BCAP29: variants seen among roughly 807,000 people sequenced by gnomAD.
The protein encoded by BCAP29 is B-cell receptor-associated protein 29.
BCAP29 carries 34 observed loss-of-function variants against 31.8 expected under a neutral mutation model. The ratio of observed to expected loss-of-function variants is 1.07; its 90% CI spans 0.81 to 1.42. The LOEUF is 1.42. BCAP29 is among the 40% of genes most tolerant of loss of function. The pLI is 0.00. For missense variants in BCAP29, 314 were observed against 269.2 expected, an observed-to-expected ratio of 1.17 and a Z score of -1.16; for synonymous variants, 104 against 91.3, an observed-to-expected ratio of 1.14 and a Z score of -0.79.
rs1811747241 is a variant in BCAP29, at chr7:107,604,647, T to C, written c.589+4142T>C. Among the ~76,000 whole-genome samples the C allele has an allele frequency of 2.6e-5, 4 of 151,738 alleles. No homozygotes were observed. The South Asian group carries it at 8.3e-4, about 31-fold the overall frequency. On this transcript the variant is annotated intron_variant, in intron 6 of 7. Coordinates refer to ENST00000005259, the MANE Select transcript of BCAP29 (RefSeq NM_018844.4). Reference sequence around the variant, plus strand: ...AAAATTATTAATGCTTAAAAACAGTTTGCTGTTTTTAGTCATTTTGTTGTT... The same window carrying C: ...AAAATTATTAATGCTTAAAAACAGTCTGCTGTTTTTAGTCATTTTGTTGTT...
chr7:107,599,721 C>T (rs1376174455), intron 5 of BCAP29, among the ~76,000 whole-genome samples: 1 of 151,920 alleles, frequency 6.6e-6, no homozygotes, highest in Non-Finnish European at 1.5e-5. Flanking sequence ...TAAATTTTTA[C>T]TCCATGATAA....
At chr7:107,610,612 T>C (rs1812945291) in intron 6 of BCAP29, among the ~76,000 whole-genome samples, 1 of 152,220 alleles carries the variant, frequency 6.6e-6, no homozygotes, top group Admixed American at 6.5e-5. Flanking sequence ...ATTAGATTTA[T>C]TAATATCCAC....
In BCAP29 at chr7:107,585,053, T is replaced by C. The variant is rs2129212978; in HGVS notation, c.193+1071T>C. Among the ~76,000 whole-genome samples, 2 of 152,352 alleles carry C rather than the reference T, an allele frequency of 1.3e-5. 1 individual carries two copies. Among genetic ancestry groups the C allele is most frequent in the South Asian group, 4.1e-4 (2 of 4,832 alleles). On this transcript the variant is annotated intron_variant, in intron 3 of 7. Transcript: ENST00000005259. ...TTAGTAATCACCATGTTTTTCCAGT[T>C]GTTACTGAGCTCAGAGAAATTGAGT...
At chr7:107,606,279 A>G (rs1812069581) in intron 6 of BCAP29, among the ~76,000 whole-genome samples, 1 of 152,238 alleles carries the variant, frequency 6.6e-6, no homozygotes, top group Admixed American at 6.5e-5. Flanking sequence ...GTAAAATGAG[A>G]GACTGAACTA....
At chr7:107,591,379 G>A (rs1331228046) in intron 3 of BCAP29, among the ~76,000 whole-genome samples, 2 of 152,174 alleles carry the variant, frequency 1.3e-5, no homozygotes, top group Non-Finnish European at 2.9e-5. Context: ...AAACAGGTTA[G>A]TGGGCTTTAT....
At chr7:107,583,726 G>C (rs1807121196) in intron 2 of BCAP29, among the ~76,000 whole-genome samples, 156 bp from the exon 3 acceptor site, 1 of 152,018 alleles carries the variant, frequency 6.6e-6, no homozygotes, top group African/African-American at 2.4e-5. Context: ...TAATTCATGA[G>C]ATATTCTGTC....
chr7:107,607,677 T>G (rs527868585), intron 6 of BCAP29, among the ~76,000 whole-genome samples: 1 of 149,534 alleles, frequency 6.7e-6, no homozygotes, highest in South Asian at 2.2e-4. Flanking sequence ...CCCTTTGTAG[T>G]GCAGGCTGGA....
At chr7:107,589,715 C>G (rs1463426137) in intron 3 of BCAP29, among the ~76,000 whole-genome samples, 4 of 152,166 alleles carry the variant, frequency 2.6e-5, no homozygotes, top group Non-Finnish European at 5.9e-5. Flanking sequence ...ATACTAAACT[C>G]TCTTCACCAA....
chr7:107,614,479 T>C (rs183185207), intron 7 of BCAP29, among the ~76,000 whole-genome samples: 2 of 152,316 alleles, frequency 1.3e-5, no homozygotes, highest in African/African-American at 4.8e-5. Context: ...AAATAAAATG[T>C]GTAGGTTTTT....
intron 6 of BCAP29, among the ~76,000 whole-genome samples, chr7:107,602,500 A>T (rs1461636904): frequency 6.6e-6 from 1 of 152,176 alleles, no homozygotes; most frequent in Non-Finnish European, 1.5e-5. Flanking sequence ...TGTTAAGGTG[A>T]CAAGGCTTAA....
At chr7:107,610,022 A>G (rs1225454385) in intron 6 of BCAP29, among the ~76,000 whole-genome samples, 1 of 152,224 alleles carries the variant, frequency 6.6e-6, no homozygotes, top group Non-Finnish European at 1.5e-5. Flanking sequence ...CAGTGATACA[A>G]TACATTTACA....
chr7:107,594,066 G>T lies in BCAP29; in HGVS notation c.305G>T (p.Arg102Ile). Residue 102 changes from arginine (R) to isoleucine (I), a missense_variant, in exon 4 of 8, where the codon AGA (arginine) becomes ATA (isoleucine). Physicochemically the swap from Arg to Ile is moderately conservative, Grantham distance 97. Transcript: ENST00000005259. ...HTQMKLFRSQ[R>I]NLYISGFSLF... ...CAGATGAAACTTTTTAGGTCTCAAA[G>T]AAATCTTTACATTTCTGGATTTTCC... 1 of 1,613,148 alleles carries T rather than the reference G, an allele frequency of 6.2e-7. No homozygotes were observed. Among genetic ancestry groups the T allele is most frequent in the Non-Finnish European group, 8.5e-7 (1 of 1,179,418 alleles).
chr7:107,602,424 TCAGTGGTACAATGCTTTGTGCACAGTA>T (rs1174682884), intron 6 of BCAP29, among the ~76,000 whole-genome samples: 1 of 152,174 alleles, frequency 6.6e-6, no homozygotes, highest in Non-Finnish European at 1.5e-5. Context: ...TTGGATGAAT[TCAGTGGTACAATGCTTTGTGCACAGTA>T]CCACTCAAAA....
At chr7:107,600,223 A>T (rs1385907301) in intron 5 of BCAP29, 174 bp from the exon 6 acceptor site, 1 of 643,404 alleles carries the variant, frequency 1.6e-6, no homozygotes. Context: ...GTGTTTCCCA[A>T]ATATTAAGTT....
At chr7:107,580,441 G>A in intron 1 of BCAP29, 140 bp downstream of exon 1, 1 of 264,312 alleles carries the variant, frequency 3.8e-6, no homozygotes, top group Non-Finnish European at 7.1e-6. Context: ...TCGAGGGCCC[G>A]CGGCGCCTTC....
intron 2 of BCAP29, among the ~76,000 whole-genome samples, chr7:107,581,652 A>T (rs1806689606): frequency 6.6e-6 from 1 of 152,236 alleles, no homozygotes; most frequent in Non-Finnish European, 1.5e-5. Flanking sequence ...AGTATTTCAT[A>T]AGTGAGATCC....
rs987069155 is a variant in BCAP29, at chr7:107,609,478, T to C, written c.590-3854T>C. Among the ~76,000 whole-genome samples, 30 of 152,196 alleles carry C rather than the reference T, an allele frequency of 2.0e-4. 1 individual carries two copies. The highest frequency in any genetic ancestry group is 1.7e-3 in the Admixed American group (26 of 15,284). On this transcript the variant is annotated intron_variant, in intron 6 of 7. Coordinates refer to ENST00000005259, the MANE Select transcript of BCAP29 (RefSeq NM_018844.4). ...GGTCACAGAGCTGGAGTGGAAGGTA[T>C]GGATTGGAGAGCTATAAAGGAACTT...
chr7:107,599,005 AC>A (rs1810396501), intron 5 of BCAP29, among the ~76,000 whole-genome samples: 3 of 10,504 alleles, frequency 2.9e-4, no homozygotes, highest in African/African-American at 6.3e-4. Flanking sequence ...TTATAGATCT[AC>A]AAATTTATAT....
rs138569997 is a variant in BCAP29, at chr7:107,599,342, CAT to C, written c.481-1041_481-1040del. On this transcript the variant is annotated intron_variant, in intron 5 of 7. Coordinates refer to ENST00000005259, the MANE Select transcript of BCAP29 (RefSeq NM_018844.4). ...ATATATATAAATATATATATGCACACATATATATATATATAATTTTTTGTAAA... is the reference window on the plus strand; with the variant it reads ...ATATATATAAATATATATATGCACACATATATATATATAATTTTTTGTAAA... Among the ~76,000 whole-genome samples, 48 of 60,916 alleles carry C rather than the reference CAT, an allele frequency of 7.9e-4. 1 individual carries two copies. Among genetic ancestry groups the C allele is most frequent in the South Asian group, 1.5e-3 (4 of 2,716 alleles). The allele number at this position is 60,916 out of a possible 152,430, so 40.0% of individuals were successfully genotyped here. A position where few individuals can be genotyped will look rare whatever the true frequency, so the allele number is the denominator to read the frequency against.
Sources: allele counts gnomAD v4.1 joint callset (sites outside exome capture counted in the v4.1 genomes callset), GRCh38; gene constraint gnomAD v4.1.1; transcripts MANE v1.5; gene names NCBI Gene and HGNC (gene_info 2026-07-23, HGNC 2026-07-21).